The following MYEF2 variants were observed in gnomAD, a reference collection of about 807,000 sequenced individuals.
The protein encoded by MYEF2 is myelin expression factor 2, also known as myelin gene expression factor 2.
In MYEF2, 37 loss-of-function variants were observed where a neutral mutation model predicts 75.2. The observed-to-expected ratio is 0.49, with a 90% confidence interval of 0.38 to 0.65. The LOEUF (loss-of-function observed/expected upper bound fraction) is 0.65. MYEF2 is among the 30% of genes least tolerant of loss of function. The probability of loss-of-function intolerance (pLI) is 0.00; values close to 1 mark genes in which losing one functional copy is unlikely to be tolerated. For missense variants in MYEF2, 634 were observed against 771.4 expected, an observed-to-expected ratio of 0.82 and a Z score of 2.11; for synonymous variants, 195 against 241.6, an observed-to-expected ratio of 0.81 and a Z score of 1.79.
intron 5 of MYEF2, among the ~76,000 whole-genome samples, chr15:48,165,606 T>A (rs1482611968): frequency 1.3e-5 from 2 of 152,024 alleles, no homozygotes; most frequent in Non-Finnish European, 2.9e-5. Flanking sequence ...ATTTCTCAAA[T>A]AACAAAATCT....
At chr15:48,166,467 T>G (rs74011913) in intron 3 of MYEF2, among the ~76,000 whole-genome samples, 1 of 151,974 alleles carries the variant, frequency 6.6e-6, no homozygotes, top group Non-Finnish European at 1.5e-5. Context: ...AATAGACCTA[T>G]CCTTCTGTAG....
intron 14 of MYEF2, 59 bp downstream of exon 14, chr15:48,151,041 C>G: frequency 1.1e-5 from 14 of 1,220,004 alleles, no homozygotes; most frequent in Non-Finnish European, 1.5e-5. Flanking sequence ...ACTACTCTTG[C>G]AAAGTCTTTG....
intron 5 of MYEF2, 106 bp downstream of exon 5, chr15:48,165,827 T>C: frequency 1.3e-6 from 1 of 777,960 alleles, no homozygotes; most frequent in Non-Finnish European, 2.1e-6. Context: ...AACACCTATG[T>C]TTTAAAAAAA....
intron 9 of MYEF2, chr15:48,157,717 GA>G: frequency 9.0e-7 from 1 of 1,116,006 alleles, no homozygotes; most frequent in Non-Finnish European, 1.1e-6. Context: ...TGAAATTACA[GA>G]GGACTTTTTT....
At chr15:48,171,205 T>C (rs1354001107) in intron 1 of MYEF2, among the ~76,000 whole-genome samples, 3 of 152,222 alleles carry the variant, frequency 2.0e-5, no homozygotes, top group East Asian at 1.9e-4. Context: ...GTTTACATAA[T>C]AGGCTTAGAT....
At chr15:48,166,491 CA>C (rs958685502) in intron 3 of MYEF2, among the ~76,000 whole-genome samples, 3 of 151,664 alleles carry the variant, frequency 2.0e-5, no homozygotes, top group African/African-American at 7.3e-5. Context: ...CAAATATTTT[CA>C]AAAAATGTAT....
chr15:48,175,309 G>A (rs2040478568), intron 1 of MYEF2, among the ~76,000 whole-genome samples: 1 of 152,102 alleles, frequency 6.6e-6, no homozygotes, highest in Non-Finnish European at 1.5e-5. Context: ...TACCAGAGGT[G>A]GAGGGCAGCA....
chr15:48,142,373 G>T lies in MYEF2; in HGVS notation c.*535C>A, dbSNP rs759941120. On this transcript the variant is annotated 3_prime_UTR_variant, in exon 17 of 17. Coordinates refer to ENST00000324324, the MANE Select transcript of MYEF2 (RefSeq NM_016132.5). ...TTGATATTATTAATAGTGTTATGCAGAAAATATGAATGGCAGGGAGGGGCA... is the reference window on the plus strand; with the variant it reads ...TTGATATTATTAATAGTGTTATGCATAAAATATGAATGGCAGGGAGGGGCA... The T allele has an allele frequency of 2.1e-6, 3 of 1,444,858 alleles. No individual in the cohort carries two copies. Among genetic ancestry groups the T allele is most frequent in the South Asian group, 1.4e-5 (1 of 69,018 alleles). 89.5% of individuals were successfully genotyped at this position (1,444,858 alleles called of 1,614,324 possible). A position where few individuals can be genotyped will look rare whatever the true frequency, so the allele number is the denominator to read the frequency against.
chr15:48,137,902 A>T lies in MYEF2; in HGVS notation c.*5006T>A, dbSNP rs542174799. The T allele has an allele frequency of 3.3e-5, 5 of 152,274 alleles. No individual in the cohort carries two copies. In the South Asian group the frequency reaches 1.0e-3, roughly 32 times the overall value. The allele number at this position is 152,274 out of a possible 1,614,324, so 9.4% of individuals were successfully genotyped here. A position where few individuals can be genotyped will look rare whatever the true frequency, so the allele number is the denominator to read the frequency against. On this transcript the variant is annotated 3_prime_UTR_variant, in exon 17 of 17. Coordinates refer to ENST00000324324, the MANE Select transcript of MYEF2 (RefSeq NM_016132.5). The stretch of plus-strand genomic sequence containing the variant: ...AAATTCAGCTATGGTCAAAATTATA[A>T]GTTCATGGGTTACCTTTTTATAAAG...
intron 5 of MYEF2, chr15:48,162,604 T>A (rs1379999654): frequency 6.6e-6 from 1 of 152,226 alleles, no homozygotes; most frequent in Non-Finnish European, 1.5e-5. Context: ...ATTGCACTTT[T>A]TGCAAATTGA....
chr15:48,137,033 C>T lies in MYEF2; in HGVS notation c.*5875G>A. On this transcript the variant is annotated 3_prime_UTR_variant, in exon 17 of 17. Transcript: ENST00000324324. ...AAAACTTTAAAATTTCATTTCAATT[C>T]AGCAAGTATTGTGTGCTTTTTATGT... 6.8e-7 allele frequency: 1 copy of T among 1,469,692 alleles called. No individual in the cohort carries two copies. The highest frequency in any genetic ancestry group is 9.1e-7 in the Non-Finnish European group (1 of 1,093,042). The allele number at this position is 1,469,692 out of a possible 1,614,324, so 91.0% of individuals were successfully genotyped here. A position where few individuals can be genotyped will look rare whatever the true frequency, so the allele number is the denominator to read the frequency against.
chr15:48,167,281 T>C (rs2040166932), intron 3 of MYEF2, 68 bp downstream of exon 3: 2 of 1,481,662 alleles, frequency 1.3e-6, no homozygotes, highest in Non-Finnish European at 1.9e-6. Context: ...CTGGTACAAG[T>C]ATTATACAAA....
At position 48,178,087 on chromosome 15, in the gene MYEF2, C is replaced by A; in HGVS notation, c.151G>T (p.Gly51Cys). Residue 51 changes from glycine to cysteine, a missense_variant, in exon 1 of 17, where the codon GGC (glycine) becomes TGC (cysteine). Coordinates refer to ENST00000324324, the MANE Select transcript of MYEF2 (RefSeq NM_016132.5). The part of the protein sequence containing the change: ...QQPQHSSSSN[G>C]VKMENDESAK... ...AGGAAAAGACAATACATTTTAACGC[C>A]ATTGGAGCTGCTGCTGTGCTGCGGC... 1 of 1,599,772 alleles carries A rather than the reference C, an allele frequency of 6.3e-7. No homozygotes were observed. Among genetic ancestry groups the A allele is most frequent in the Admixed American group, 1.7e-5 (1 of 59,032 alleles).
At chr15:48,165,404 A>G (rs1360303217) in intron 5 of MYEF2, among the ~76,000 whole-genome samples, 1 of 152,096 alleles carries the variant, frequency 6.6e-6, no homozygotes, top group African/African-American at 2.4e-5. Context: ...AATTTTGTAC[A>G]AAGAAGACAT....
chr15:48,138,966 C>A lies in MYEF2; in HGVS notation c.*3942G>T. ...TCAAAAGTGTTTACTTTTTCCACAA[C>A]AGATCCACCAAGTGTTTTCAACATG... On this transcript the variant is annotated 3_prime_UTR_variant, in exon 17 of 17. Coordinates refer to ENST00000324324, the MANE Select transcript of MYEF2 (RefSeq NM_016132.5). The A allele has an allele frequency of 6.2e-7, 1 of 1,608,110 alleles. No homozygotes were observed. The highest frequency in any genetic ancestry group is 8.5e-7 in the Non-Finnish European group (1 of 1,177,132).
At position 48,140,375 on chromosome 15, in the gene MYEF2, A is replaced by G. The variant is rs1363155576; in HGVS notation, c.*2533T>C. The stretch of plus-strand genomic sequence containing the variant: ...TAATTATTTTAGTTGGCATTTTAAG[A>G]AAAAAAAAGAGAAAGAAAAAAAAGA... On this transcript the variant is annotated 3_prime_UTR_variant, in exon 17 of 17. Transcript: ENST00000324324. 1.3e-5 allele frequency: 2 copies of G among 151,484 alleles called. No individual in the cohort carries two copies. Among genetic ancestry groups the G allele is most frequent in the African/African-American group, 4.8e-5 (2 of 41,270 alleles). 9.4% of individuals were successfully genotyped at this position (151,484 alleles called of 1,614,324 possible). A position where few individuals can be genotyped will look rare whatever the true frequency, so the allele number is the denominator to read the frequency against.
Position 48,141,775 on chromosome 15 carries a change from GAAAAGCA to G in MYEF2, c.*1126_*1132del, listed in dbSNP as rs1031866621. ...ACCATTAACCATGTTAAATTACAAT[GAAAAGCA>G]ACAAATAAGCTATATACCTTATTGA... On this transcript the variant is annotated 3_prime_UTR_variant, in exon 17 of 17. Transcript: ENST00000324324. The G allele has an allele frequency of 8.0e-6, 2 of 249,178 alleles. No homozygotes were observed. Among genetic ancestry groups the G allele is most frequent in the Admixed American group, 5.0e-5 (1 of 20,074 alleles). 15.4% of individuals were successfully genotyped at this position (249,178 alleles called of 1,614,324 possible).
In MYEF2 at chr15:48,158,059, A is replaced by G; in HGVS notation, c.922-3T>C. 6.2e-7 allele frequency: 1 copy of G among 1,613,036 alleles called. No homozygotes were observed. Among genetic ancestry groups the G allele is most frequent in the Non-Finnish European group, 8.5e-7 (1 of 1,179,312 alleles). On this transcript the variant is annotated splice_polypyrimidine_tract_variant and splice_region_variant and intron_variant, in intron 8 of 16. Transcript: ENST00000324324. ...TCATGAGGAACAGACTTGTCATCCT[A>G]ATTGCAAGAAAGTTTATAATATGGT...
In MYEF2 at chr15:48,168,911, T is replaced by G. The variant is rs1277642908; in HGVS notation, c.162-72A>C. 3.4e-6 allele frequency: 4 copies of G among 1,170,368 alleles called. No individual in the cohort carries two copies. In the East Asian group the frequency reaches 1.0e-4, roughly 29 times the overall value. The allele number at this position is 1,170,368 out of a possible 1,614,324, so 72.5% of individuals were successfully genotyped here. A position where few individuals can be genotyped will look rare whatever the true frequency, so the allele number is the denominator to read the frequency against. On this transcript the variant is annotated intron_variant, in intron 1 of 16. Transcript: ENST00000324324. The stretch of plus-strand genomic sequence containing the variant: ...TATAAGAATGGAAGTCTATATTAAA[T>G]AAGTATTCCATATTTATCACCTCAC...
Sources: allele counts gnomAD v4.1 joint callset (sites outside exome capture counted in the v4.1 genomes callset), GRCh38; gene constraint gnomAD v4.1.1; transcripts MANE v1.5; gene names NCBI Gene and HGNC (gene_info 2026-07-23, HGNC 2026-07-21).